ZNF475: variants seen among roughly 807,000 people sequenced by gnomAD.
ZNF475 encodes the protein zinc finger protein 475.
chr5:122,179,578 T>C, the ZNF475 span: 19 of 1,522,946 alleles, frequency 1.2e-5, no homozygotes, highest in Non-Finnish European at 1.7e-5. Context: ...CCACCAGCAG[T>C]TGTTTGCTAC....
the ZNF475 span, among the ~76,000 whole-genome samples, chr5:122,180,951 C>A: frequency 6.6e-6 from 1 of 152,204 alleles, no homozygotes; most frequent in Admixed American, 6.5e-5. Flanking sequence ...CATTGAAACT[C>A]TCTTTCCAGC....
the ZNF475 span, among the ~76,000 whole-genome samples, chr5:122,165,021 G>T: frequency 6.6e-6 from 1 of 152,234 alleles, no homozygotes; most frequent in African/African-American, 2.4e-5. Flanking sequence ...GTTCAATATG[G>T]TCATTCCCAC....
chr5:122,166,770 G>C, the ZNF475 span, among the ~76,000 whole-genome samples: 136 of 152,248 alleles, frequency 8.9e-4, 1 homozygote, highest in Middle Eastern at 3.4e-3. Flanking sequence ...CCAAGTCTTT[G>C]CTATTGTGAA....
At chr5:122,179,922 T>C in the ZNF475 span, 1 of 453,724 alleles carries the variant, frequency 2.2e-6, no homozygotes, top group Non-Finnish European at 3.9e-6. Context: ...TGCTGAGACA[T>C]AAAGACACTA....
At chr5:122,181,512 T>C in the ZNF475 span, among the ~76,000 whole-genome samples, 7 of 152,212 alleles carry the variant, frequency 4.6e-5, no homozygotes, top group East Asian at 3.9e-4. Context: ...GGGATTTAAA[T>C]TTCCATGGAG....
chr5:122,168,662 G>A, the ZNF475 span, among the ~76,000 whole-genome samples: 8 of 152,192 alleles, frequency 5.3e-5, no homozygotes, highest in South Asian at 4.1e-4. Context: ...GCAGTGAGCC[G>A]AGATCGTGCC....
the ZNF475 span, among the ~76,000 whole-genome samples, chr5:122,166,400 G>GT: frequency 2.0e-5 from 3 of 151,940 alleles, no homozygotes; most frequent in African/African-American, 7.3e-5. Context: ...CAACGTGCAG[G>GT]TTTGTTACAT....
the ZNF475 span, among the ~76,000 whole-genome samples, chr5:122,170,402 C>T: frequency 6.6e-6 from 1 of 152,190 alleles, no homozygotes; most frequent in African/African-American, 2.4e-5. Flanking sequence ...ATCCTCCCTT[C>T]ACGCTTAATA....
At chr5:122,179,562 C>T in the ZNF475 span, 126 of 1,502,716 alleles carry the variant, frequency 8.4e-5, no homozygotes, top group African/African-American at 1.7e-4. Flanking sequence ...AACAATGATA[C>T]GGCGTCCACC....
the ZNF475 span, among the ~76,000 whole-genome samples, chr5:122,174,759 A>G: frequency 6.6e-6 from 1 of 152,204 alleles, no homozygotes; most frequent in Non-Finnish European, 1.5e-5. Flanking sequence ...TGTGTGGTTA[A>G]ATACTGGATT....
the ZNF475 span, among the ~76,000 whole-genome samples, chr5:122,175,688 C>G: frequency 5.9e-5 from 9 of 152,112 alleles, no homozygotes; most frequent in African/African-American, 2.2e-4. Context: ...CACCTTTTCC[C>G]TTTCTCTAAC....
At chr5:122,166,227 A>G in the ZNF475 span, among the ~76,000 whole-genome samples, 1 of 152,348 alleles carries the variant, frequency 6.6e-6, no homozygotes, top group East Asian at 1.9e-4. Context: ...TCAACTGTAG[A>G]TGAGGACTAA....
At chr5:122,166,983 A>C in the ZNF475 span, among the ~76,000 whole-genome samples, 1 of 152,232 alleles carries the variant, frequency 6.6e-6, no homozygotes, top group Non-Finnish European at 1.5e-5. Flanking sequence ...TGTTTTAGAC[A>C]TGAAGTCCTT....
the ZNF475 span, among the ~76,000 whole-genome samples, chr5:122,180,791 A>G: frequency 3.3e-5 from 5 of 152,148 alleles, no homozygotes; most frequent in Admixed American, 1.3e-4. Context: ...TAGACCCTAG[A>G]TTGTATGATA....
chr5:122,164,177 T>C, the ZNF475 span, among the ~76,000 whole-genome samples: 1 of 152,132 alleles, frequency 6.6e-6, no homozygotes. Context: ...ATTGGGGATA[T>C]GAGTGAGGAG....
the ZNF475 span, among the ~76,000 whole-genome samples, chr5:122,166,636 G>A: frequency 8.5e-5 from 13 of 152,266 alleles, no homozygotes; most frequent in African/African-American, 3.1e-4. Flanking sequence ...ACGGTTTCCA[G>A]CTTCATCCAT....
chr5:122,179,920 C>T, the ZNF475 span: 2 of 455,382 alleles, frequency 4.4e-6, no homozygotes, highest in Non-Finnish European at 3.8e-6. Context: ...GATGCTGAGA[C>T]ATAAAGACAC....
At chr5:122,172,771 C>G in the ZNF475 span, among the ~76,000 whole-genome samples, 1 of 152,102 alleles carries the variant, frequency 6.6e-6, no homozygotes, top group Non-Finnish European at 1.5e-5. Context: ...CGGTGGCTCA[C>G]GCCTGTAATT....
At chr5:122,168,578 C>T in the ZNF475 span, among the ~76,000 whole-genome samples, 24 of 152,240 alleles carry the variant, frequency 1.6e-4, no homozygotes, top group East Asian at 3.9e-4. Context: ...CCAGGCATGG[C>T]GGCCGGCGCC....
Sources: gnomAD v4.1 joint callset for allele counts (sites outside exome capture counted in the v4.1 genomes callset) on GRCh38, gnomAD v4.1.1 for gene constraint, MANE v1.5 for transcripts, NCBI Gene and HGNC (gene_info 2026-07-23, HGNC 2026-07-21) for gene names.